Variants in LMF1 observed in about 807,000 individuals in gnomAD.
The protein encoded by LMF1 is transmembrane protein 112.
LMF1 carries 68 observed loss-of-function variants against 60.6 expected under a neutral mutation model. That is an observed-to-expected ratio of 1.12 (90% CI 0.92 to 1.37). The LOEUF (loss-of-function observed/expected upper bound fraction) is 1.37. LMF1 is among the 40% of genes most tolerant of loss of function. The pLI is 0.00. For synonymous variants in LMF1, 418 were observed against 324.7 expected, an observed-to-expected ratio of 1.29 and a Z score of -3.09; for missense variants, 948 against 767.2, an observed-to-expected ratio of 1.24 and a Z score of -2.78.
intron 1 of LMF1, among the ~76,000 whole-genome samples, chr16:955,545 T>TAC (rs2072678124): frequency 8.7e-6 from 1 of 114,938 alleles, no homozygotes. Context: ...AGTGTGTGCA[T>TAC]ACACGCACAC....
upstream of LMF1, chr16:970,995 C>A: frequency 6.8e-7 from 1 of 1,466,874 alleles, no homozygotes; most frequent in East Asian, 2.7e-5. Flanking sequence ...GGGGAGGGCG[C>A]ACTCCCGGAG....
chr16:897,305 C>G lies in LMF1; in HGVS notation c.664-4233G>C, dbSNP rs552979433. Among the ~76,000 whole-genome samples the G allele has an allele frequency of 8.5e-4, 130 of 152,354 alleles. 1 individual carries two copies. The highest frequency in any genetic ancestry group is 2.9e-3 in the Admixed American group (44 of 15,308). Reference sequence around the variant, plus strand: ...TGGCCCCCAGAGGCCGCCATCCACCCTGCAGCGACAGCCCCCTGTGTACCC... The same window carrying G: ...TGGCCCCCAGAGGCCGCCATCCACCGTGCAGCGACAGCCCCCTGTGTACCC... On this transcript the variant is annotated intron_variant, in intron 4 of 10. Transcript: ENST00000262301. This position sits in a 1 kb window ranked among gnomAD's most constrained non-coding sequence, Gnocchi z 4.3.
At chr16:860,227 C>T (rs543444059) in intron 10 of LMF1, among the ~76,000 whole-genome samples, 19 of 151,924 alleles carry the variant, frequency 1.3e-4, no homozygotes, top group Non-Finnish European at 4.4e-5. Flanking sequence ...TTTTATGGAG[C>T]AAATGCTTTT....
At chr16:905,101 C>T (rs143179475) in intron 4 of LMF1, 1,727 of 155,256 alleles carry the variant, frequency 0.011, 29 homozygotes, top group South Asian at 0.066. Flanking sequence ...CCTGTGAGGA[C>T]GCCTGTCTCT....
chr16:921,824 C>A (rs1271802307), intron 3 of LMF1, among the ~76,000 whole-genome samples: 1 of 152,078 alleles, frequency 6.6e-6, no homozygotes, highest in Non-Finnish European at 1.5e-5. Context: ...GGTCCCCGTG[C>A]GGGTTTTACT....
Position 854,818 on chromosome 16 carries a change from G to A in LMF1, c.1530-112C>T, listed in dbSNP as rs1004823794. The A allele has an allele frequency of 1.5e-5, 15 of 1,031,088 alleles. 1 individual carries two copies. The Middle Eastern group carries it at 2.6e-3, about 175-fold the overall frequency. 63.9% of individuals were successfully genotyped at this position (1,031,088 alleles called of 1,614,324 possible). A position where few individuals can be genotyped will look rare whatever the true frequency, so the allele number is the denominator to read the frequency against. The stretch of plus-strand genomic sequence containing the variant: ...CTCACAGGGTCCCCCACGGACAGAG[G>A]GGCTGCATGAGGAGCCCCCACCCTG... On this transcript the variant is annotated intron_variant, in intron 10 of 10. Transcript: ENST00000262301.
chr16:864,749 C>T (rs912954989), intron 10 of LMF1, among the ~76,000 whole-genome samples: 4 of 151,350 alleles, frequency 2.6e-5, no homozygotes, highest in Admixed American at 6.6e-5. Flanking sequence ...CTCAGCTTCC[C>T]GAGTAGCTGG....
At chr16:958,921 G>A (rs545939499) in intron 1 of LMF1, among the ~76,000 whole-genome samples, 7 of 151,546 alleles carry the variant, frequency 4.6e-5, no homozygotes, top group South Asian at 2.1e-4. Flanking sequence ...AAAAAAACAC[G>A]AACATGGACA....
In LMF1 at chr16:874,325, C is replaced by T. The variant is rs1372723950; in HGVS notation, c.898-2984G>A. 2.0e-5 allele frequency among the ~76,000 whole-genome samples: 3 copies of T among 151,928 alleles called. No homozygotes were observed. Among genetic ancestry groups the T allele is most frequent in the Non-Finnish European group, 4.4e-5 (3 of 67,932 alleles). ...CTTGAGCGGGCGTGGGGTGCAGCCA[C>T]CACAGGGCAAGGAGCCCTTTGGGCA... On this transcript the variant is annotated intron_variant, in intron 6 of 10. Transcript: ENST00000262301. This position sits in a 1 kb window ranked among gnomAD's most constrained non-coding sequence, Gnocchi z 4.1.
chr16:858,099 G>GC (rs140762032), intron 10 of LMF1, among the ~76,000 whole-genome samples: 8 of 79,602 alleles, frequency 1.0e-4, no homozygotes, highest in Non-Finnish European at 1.2e-4. Flanking sequence ...GGATGGGTGT[G>GC]AGTGGTGTCT....
At position 962,560 on chromosome 16, in the gene LMF1, T is replaced by G. The variant is rs187206093; in HGVS notation, c.194-7894A>C. Among the ~76,000 whole-genome samples the G allele has an allele frequency of 9.7e-3, 1,477 of 152,268 alleles. 66 individuals are homozygous for G. The highest frequency in any genetic ancestry group is 0.087 in the Admixed American group (1,327 of 15,288). On this transcript the variant is annotated intron_variant, in intron 1 of 10. Coordinates refer to ENST00000262301, the MANE Select transcript of LMF1 (RefSeq NM_022773.4). This position sits in a 1 kb window ranked among gnomAD's most constrained non-coding sequence, Gnocchi z 4.5. ...GGTGTGACGGGAAGGGCCCCGCACC[T>G]CTGTGGGCGTCTTCCCAAAACCCAT...
rs1198993659 is a variant in LMF1 at position 854,221 on chromosome 16, C to T, written c.*311G>A. ...AGGAAGGTGTCAGGATGGCCATTGT[C>T]TCAACTCCTGTGGGCGGCACAGCCC... is the stretch of plus-strand genomic sequence containing the variant. On this transcript the variant is annotated 3_prime_UTR_variant, in exon 11 of 11. Coordinates refer to ENST00000262301, the MANE Select transcript of LMF1 (RefSeq NM_022773.4). The T allele has an allele frequency of 1.7e-6, 1 of 587,900 alleles. No homozygotes were observed. Among genetic ancestry groups the T allele is most frequent in the Non-Finnish European group, 3.2e-6 (1 of 312,856 alleles). The allele number at this position is 587,900 out of a possible 1,614,324, so 36.4% of individuals were successfully genotyped here.
At position 897,247 on chromosome 16, in the gene LMF1, G is replaced by A. The variant is rs1359743982; in HGVS notation, c.664-4175C>T. ...GTCTTGACGGTCGTATGCGGAGAAG[G>A]AGACACTCTGTGGAGACCCCGCTTC... On this transcript the variant is annotated intron_variant, in intron 4 of 10. Transcript: ENST00000262301. The surrounding 1 kb of genome is among the most constrained non-coding windows in gnomAD (Gnocchi z 4.3). Among the ~76,000 whole-genome samples, 1 of 152,194 alleles carries A rather than the reference G, an allele frequency of 6.6e-6. No homozygotes were observed. The highest frequency in any genetic ancestry group is 6.5e-5 in the Admixed American group (1 of 15,284).
At chr16:867,048 G>A (rs573590798) in intron 10 of LMF1, among the ~76,000 whole-genome samples, 3 of 152,182 alleles carry the variant, frequency 2.0e-5, no homozygotes, top group South Asian at 2.1e-4. Context: ...TTTTAAAGTC[G>A]ATGATGAACT....
At chr16:971,410 C>T (rs997973387), upstream of LMF1, among the ~76,000 whole-genome samples, 1 of 152,256 alleles carries the variant, frequency 6.6e-6, no homozygotes, top group Non-Finnish European at 1.5e-5. Flanking sequence ...CGTGCCCCTG[C>T]CTCACAGCTG....
chr16:859,035 G>GC (rs759328753), intron 10 of LMF1, among the ~76,000 whole-genome samples: 1,921 of 30,502 alleles, frequency 0.063, 113 homozygotes, highest in Non-Finnish European at 0.076. Context: ...GGACGGGTGT[G>GC]AGTGATGTCA....
chr16:908,745 C>G (rs1300238868), intron 4 of LMF1, among the ~76,000 whole-genome samples: 2 of 152,252 alleles, frequency 1.3e-5, no homozygotes, highest in African/African-American at 4.8e-5. Context: ...ACAGTAAAAA[C>G]AGTGAGGACC....
intron 6 of LMF1, among the ~76,000 whole-genome samples, chr16:876,082 C>A (rs563669257): frequency 1.3e-5 from 2 of 152,360 alleles, no homozygotes; most frequent in South Asian, 2.1e-4. Flanking sequence ...CCTCCTTGTG[C>A]GCCCTGTGGG....
At chr16:863,399 C>A (rs1240445517) in intron 10 of LMF1, among the ~76,000 whole-genome samples, 1 of 152,218 alleles carries the variant, frequency 6.6e-6, no homozygotes, top group Non-Finnish European at 1.5e-5. Flanking sequence ...GCCTTGGCCT[C>A]CCAAAGTGCG....
Sources: gnomAD v4.1 joint callset for allele counts (sites outside exome capture counted in the v4.1 genomes callset) on GRCh38, gnomAD v4.1.1 for gene constraint, Gnocchi (gnomAD v3.1) non-coding constraint, MANE v1.5 for transcripts, NCBI Gene and HGNC (gene_info 2026-07-23, HGNC 2026-07-21) for gene names.